Variants in SH2D7 observed in about 807,000 individuals in gnomAD.
SH2D7 encodes the protein SH2 domain containing 7.
Under a neutral mutation model 40.8 loss-of-function variants are expected in SH2D7, and 32 were observed. That is an observed-to-expected ratio of 0.78 (90% CI 0.59 to 1.05). The LOEUF is 1.05. SH2D7 is among the 50% of genes least tolerant of loss of function. The pLI is 0.00. For missense variants in SH2D7, 559 were observed against 566.6 expected (o/e 0.99, Z 0.14); for synonymous variants, 195 against 221.5 (o/e 0.88, Z 1.06).
At chr15:78,091,870 C>T (rs1003091181), upstream of SH2D7, among the ~76,000 whole-genome samples, 2 of 152,250 alleles carry the variant, frequency 1.3e-5, no homozygotes, top group Admixed American at 1.3e-4. Context: ...CTTCACTGTT[C>T]AGTGTCACCT....
chr15:78,098,437 C>A lies in SH2D7; in HGVS notation c.486C>A (p.Ile162=). 1.9e-6 allele frequency: 3 copies of A among 1,614,002 alleles called. No homozygotes were observed. The highest frequency in any genetic ancestry group is 2.5e-6 in the Non-Finnish European group (3 of 1,179,894). ...TCACCCGGGGCCTCCACCAGACCATCGTGGACCCAGAAAACCCACCTGCCA... is the reference window on the plus strand; with the variant it reads ...TCACCCGGGGCCTCCACCAGACCATAGTGGACCCAGAAAACCCACCTGCCA... ...DAITRGLHQT[I]VDPENPPATA... Residue 162 remains isoleucine, a synonymous_variant, in exon 4 of 6, where the codon ATC becomes ATA. Coordinates refer to ENST00000328828, the MANE Select transcript of SH2D7 (RefSeq NM_001101404.2).
chr15:78,097,786 TAC>T (rs1269408352), intron 2 of SH2D7, 141 bp from the exon 3 acceptor site: 1 of 991,852 alleles, frequency 1.0e-6, no homozygotes, highest in Non-Finnish European at 1.5e-6. Flanking sequence ...CCAAGTGGGG[TAC>T]AGTGGCCCCA....
intron 2 of SH2D7, among the ~76,000 whole-genome samples, chr15:78,096,796 T>C (rs2073974755): frequency 6.6e-6 from 1 of 152,168 alleles, no homozygotes; most frequent in South Asian, 2.1e-4. Context: ...CCACTGCACC[T>C]GGCGCATTGC....
Position 78,098,113 on chromosome 15 carries a change from C to A in SH2D7, c.432+19C>A. ...CCCCCGGGTAGGCGCCCCACTTCCC[C>A]AGGGTGAGGGTGGCAGGGCAGAGAG... On this transcript the variant is annotated intron_variant, in intron 3 of 5. Transcript: ENST00000328828. 1 of 1,593,800 alleles carries A rather than the reference C, an allele frequency of 6.3e-7. No homozygotes were observed. The highest frequency in any genetic ancestry group is 2.3e-5 in the East Asian group (1 of 44,218).
At chr15:78,102,556 G>A (rs2074024624) in intron 5 of SH2D7, among the ~76,000 whole-genome samples, 1 of 152,106 alleles carries the variant, frequency 6.6e-6, no homozygotes, top group Non-Finnish European at 1.5e-5. Context: ...GGTGGTAGTG[G>A]TGGTGGTGGT....
At chr15:78,098,292 T>C (rs2073987299) in intron 3 of SH2D7, 92 bp from the exon 4 acceptor site, 1 of 1,487,786 alleles carries the variant, frequency 6.7e-7, no homozygotes. Flanking sequence ...CTGGTGGGAA[T>C]GTTGCAGTCT....
intron 2 of SH2D7, among the ~76,000 whole-genome samples, chr15:78,094,610 T>G (rs978062272): frequency 4.6e-5 from 7 of 152,200 alleles, no homozygotes; most frequent in Non-Finnish European, 7.4e-5. Flanking sequence ...GAGCTGCAGG[T>G]TGCTGGGTGC....
Position 78,103,506 on chromosome 15 carries a change from C to G in SH2D7, c.1347C>G (p.His449Gln). Reference sequence around the variant, plus strand: ...GGCTCTTCTTCACGTACAGGAAGCACAAATTCTGAGGGCCTGGCATCCGGC... The same window carrying G: ...GGCTCTTCTTCACGTACAGGAAGCAGAAATTCTGAGGGCCTGGCATCCGGC... ...LRRLFFTYRKHKF is the reference protein window; with the variant it reads ...LRRLFFTYRKQKF Residue 449 changes from histidine (H) to glutamine (Q), a missense_variant, in exon 6 of 6, where the codon CAC becomes CAG. Transcript: ENST00000328828. 6.4e-7 allele frequency: 1 copy of G among 1,564,816 alleles called. No individual in the cohort carries two copies.
In SH2D7 at chr15:78,103,663, A is replaced by G; in HGVS notation, c.*148A>G. ...ACAGAACTAGGCTCCGAGACAGCCG[A>G]GGTGCCTGCCTGAGAGCAGGTGGAA... On this transcript the variant is annotated 3_prime_UTR_variant, in exon 6 of 6. Transcript: ENST00000328828. 1.0e-6 allele frequency: 1 copy of G among 983,700 alleles called. No individual in the cohort carries two copies. Among genetic ancestry groups the G allele is most frequent in the East Asian group, 2.7e-5 (1 of 37,506 alleles). The allele number at this position is 983,700 out of a possible 1,614,324, so 60.9% of individuals were successfully genotyped here.
At chr15:78,098,315 C>A (rs1436619635) in intron 3 of SH2D7, 69 bp from the exon 4 acceptor site, 6 of 1,570,168 alleles carry the variant, frequency 3.8e-6, no homozygotes, top group Non-Finnish European at 4.4e-6. Context: ...TACCAGCAGT[C>A]TCAGGCAGGC....
chr15:78,100,886 C>T lies in SH2D7; in HGVS notation c.646-13C>T, dbSNP rs1263534075. ...GCTGCCCCTTAAGAGTTTCTCTGTCCCTGTCTCCCCAGGCTCCCATCAGAG... is the reference window on the plus strand; with the variant it reads ...GCTGCCCCTTAAGAGTTTCTCTGTCTCTGTCTCCCCAGGCTCCCATCAGAG... On this transcript the variant is annotated splice_polypyrimidine_tract_variant and intron_variant, in intron 4 of 5. Transcript: ENST00000328828. The T allele has an allele frequency of 6.2e-7, 1 of 1,609,734 alleles. No homozygotes were observed. Among genetic ancestry groups the T allele is most frequent in the East Asian group, 2.2e-5 (1 of 44,870 alleles).
At chr15:78,094,458 T>C (rs1247991030) in intron 2 of SH2D7, among the ~76,000 whole-genome samples, 2 of 152,100 alleles carry the variant, frequency 1.3e-5, no homozygotes, top group Non-Finnish European at 2.9e-5. Flanking sequence ...GAGCCTAGGA[T>C]AGAAGGAAGA....
chr15:78,092,887 C>T (rs906617297), intron 1 of SH2D7, 127 bp downstream of exon 1: 41 of 1,208,198 alleles, frequency 3.4e-5, no homozygotes, highest in Admixed American at 5.9e-5. Flanking sequence ...CCCTTGGAGG[C>T]GGGGGGCAGG....
At chr15:78,093,223 A>ATG in intron 1 of SH2D7, among the ~76,000 whole-genome samples, 1 of 152,330 alleles carries the variant, frequency 6.6e-6, no homozygotes, top group East Asian at 1.9e-4. Flanking sequence ...CAAGCAGCCA[A>ATG]AACACCTGAT....
rs1297911824 is a variant in SH2D7 at position 78,101,186 on chromosome 15, TC to T, written c.936del (p.Thr313LeufsTer23). ...GCCCAGACCAGGGTCCCACAGAGTC[TC>T]CCACTTCCTGGGGATGTTCTGATGC... Reference protein sequence around the residue: ...VSPDQGPTESPTSWGCSDAMG... With the variant: ...VSPDQGPTESXTSWGCSDAMG... On this transcript the variant is annotated frameshift_variant, in exon 5 of 6. Coordinates refer to ENST00000328828, the MANE Select transcript of SH2D7 (RefSeq NM_001101404.2). LOFTEE classifies it high-confidence loss of function. 6 of 1,587,932 alleles carry T rather than the reference TC, an allele frequency of 3.8e-6. No individual in the cohort carries two copies. Among genetic ancestry groups the T allele is most frequent in the Non-Finnish European group, 5.1e-6 (6 of 1,169,180 alleles).
At chr15:78,093,668 G>A (rs975757914) in intron 1 of SH2D7, among the ~76,000 whole-genome samples, 3 of 152,238 alleles carry the variant, frequency 2.0e-5, no homozygotes, top group Admixed American at 2.0e-4. Context: ...TCTTCTCCCT[G>A]CAGAAGCTTG....
At position 78,092,688 on chromosome 15, in the gene SH2D7, T is replaced by C; in HGVS notation, c.104T>C (p.Met35Thr). 1 of 1,593,446 alleles carries C rather than the reference T, an allele frequency of 6.3e-7. No individual in the cohort carries two copies. The highest frequency in any genetic ancestry group is 8.5e-7 in the Non-Finnish European group (1 of 1,170,222). Residue 35 changes from methionine to threonine, a missense_variant, in exon 1 of 6, where the codon ATG becomes ACG. Coordinates refer to ENST00000328828, the MANE Select transcript of SH2D7 (RefSeq NM_001101404.2). Reference sequence around the variant, plus strand: ...CAGGAGCTTGCCCTGAAGTGGTTCATGGAGACACAGGCCCCCTTCATTCTG... The same window carrying C: ...CAGGAGCTTGCCCTGAAGTGGTTCACGGAGACACAGGCCCCCTTCATTCTG... ...ELQELALKWFMETQAPFILQN... is the reference protein window; with the variant it reads ...ELQELALKWFTETQAPFILQN...
At chr15:78,092,790 A>G (rs2073947830) in intron 1 of SH2D7, 30 bp downstream of exon 1, 1 of 1,590,074 alleles carries the variant, frequency 6.3e-7, no homozygotes, top group Non-Finnish European at 8.6e-7. Flanking sequence ...CAGGTCCCTC[A>G]TAGCCCACAG....
At chr15:78,102,833 T>C (rs988911781) in intron 5 of SH2D7, among the ~76,000 whole-genome samples, 2 of 152,068 alleles carry the variant, frequency 1.3e-5, no homozygotes, top group African/African-American at 2.4e-5. Context: ...CAATAAAACC[T>C]GAGAGTCCCT....
Sources: gnomAD v4.1 joint callset for allele counts (sites outside exome capture counted in the v4.1 genomes callset) on GRCh38, gnomAD v4.1.1 for gene constraint, MANE v1.5 for transcripts, NCBI Gene and HGNC (gene_info 2026-07-23, HGNC 2026-07-21) for gene names.